Variants in EIF3I observed in about 807,000 individuals in gnomAD.
The protein encoded by EIF3I is eukaryotic translation initiation factor 3 subunit I.
EIF3I carries 20 observed loss-of-function variants against 43.3 expected under a neutral mutation model. The ratio of observed to expected loss-of-function variants is 0.46; its 90% CI spans 0.32 to 0.67. The LOEUF is 0.67. Ranked by LOEUF, EIF3I falls within the 30% of genes least tolerant of loss-of-function variation. The pLI, the probability that EIF3I is intolerant of heterozygous loss-of-function variation, is 0.03. For synonymous variants in EIF3I, 167 were observed against 151.7 expected (o/e 1.10, Z -0.74); for missense variants, 279 against 421.4 (o/e 0.66, Z 2.96).
chr1:32,226,350 G>T, intron 5 of EIF3I, 30 bp downstream of exon 5: 1 of 1,613,918 alleles, frequency 6.2e-7, no homozygotes, highest in Non-Finnish European at 8.5e-7. Flanking sequence ...CTGGGGTTGA[G>T]GTAAAGGGTA....
chr1:32,224,996 G>GAAAAATA (rs2124260918), intron 4 of EIF3I, among the ~76,000 whole-genome samples: 1 of 152,242 alleles, frequency 6.6e-6, no homozygotes, highest in East Asian at 1.9e-4. Context: ...ATCACACCTG[G>GAAAAATA]CTAATTTTTG....
chr1:32,223,051 A>T (rs557237589), intron 2 of EIF3I, among the ~76,000 whole-genome samples: 1 of 152,320 alleles, frequency 6.6e-6, no homozygotes, highest in East Asian at 1.9e-4. Flanking sequence ...GCACTCCAAG[A>T]AAAGCAAGAG....
chr1:32,226,439 A>C, exon 6 of EIF3I: 3 of 1,603,406 alleles, frequency 1.9e-6, no homozygotes, highest in Non-Finnish European at 2.6e-6. Context: ...CCTTGCAATG[A>C]CTCTAAAATC....
chr1:32,235,241 C>A (rs1639284361), downstream of EIF3I: 1 of 152,296 alleles, frequency 6.6e-6, no homozygotes. Flanking sequence ...AAAAGGGACA[C>A]AGAGCCCTTT....
chr1:32,225,814 G>C (rs1239490499), intron 4 of EIF3I, among the ~76,000 whole-genome samples: 1 of 151,980 alleles, frequency 6.6e-6, no homozygotes, highest in African/African-American at 2.4e-5. Context: ...CGGGTCAGGA[G>C]ATCAAGACCA....
At chr1:32,223,651 T>G (rs1639080808) in intron 2 of EIF3I, among the ~76,000 whole-genome samples, 1 of 152,124 alleles carries the variant, frequency 6.6e-6, no homozygotes, top group African/African-American at 2.4e-5. Flanking sequence ...GATCATATAG[T>G]GAGACAGTGG....
chr1:32,235,588 G>T (rs1169777339), downstream of EIF3I, among the ~76,000 whole-genome samples: 1 of 152,118 alleles, frequency 6.6e-6, no homozygotes, highest in African/African-American at 2.4e-5. Context: ...CAAAGTGCTG[G>T]GATTACAGGC....
intron 4 of EIF3I, among the ~76,000 whole-genome samples, chr1:32,225,798 G>A (rs1174717031): frequency 4.6e-5 from 7 of 151,816 alleles, no homozygotes; most frequent in African/African-American, 7.3e-5. Flanking sequence ...TGAGGCGGGC[G>A]GATCACGGGT....
At chr1:32,226,372 C>T (rs769246019) in intron 5 of EIF3I, 31 bp from the exon 6 acceptor site, 4 of 1,612,056 alleles carry the variant, frequency 2.5e-6, no homozygotes, top group Non-Finnish European at 3.4e-6. Context: ...AGTTCTAGAG[C>T]CCAGGGCCTA....
At chr1:32,233,412 C>A (rs753586843), downstream of EIF3I, among the ~76,000 whole-genome samples, 10 of 152,166 alleles carry the variant, frequency 6.6e-5, no homozygotes, top group Non-Finnish European at 1.2e-4. Flanking sequence ...CCTCAGCCTC[C>A]CAAAGTGCTG....
rs1639149484 is a variant in EIF3I at position 32,226,541 on chromosome 1, A to G, written c.528+11A>G. The stretch of plus-strand genomic sequence containing the variant: ...CAGTATAGTGCCAAGGTAAGAGGCC[A>G]CATGGGGCCTGAGCCTACCAGAATA... On this transcript the variant is annotated intron_variant, in intron 6 of 11. Coordinates refer to ENST00000676679, the Ensembl canonical transcript of EIF3I. 2.6e-6 allele frequency: 4 copies of G among 1,511,022 alleles called. No homozygotes were observed. Among genetic ancestry groups the G allele is most frequent in the South Asian group, 1.4e-5 (1 of 71,932 alleles). 93.6% of individuals were successfully genotyped at this position (1,511,022 alleles called of 1,614,324 possible).
downstream of EIF3I, chr1:32,234,224 G>A (rs540687711): frequency 6.6e-6 from 1 of 151,692 alleles, no homozygotes; most frequent in Non-Finnish European, 1.5e-5. Context: ...CTTGAACCAG[G>A]GAGGCAAAGG....
exon 12 of EIF3I, chr1:32,231,229 A>G (rs779337333): frequency 1.4e-5 from 22 of 1,600,230 alleles, no homozygotes; most frequent in Non-Finnish European, 1.9e-5. Context: ...GTGGTGGCTC[A>G]TGCCTGTAAT....
At chr1:32,236,016 C>T (rs1054867851), downstream of EIF3I, among the ~76,000 whole-genome samples, 1 of 152,198 alleles carries the variant, frequency 6.6e-6, no homozygotes, top group African/African-American at 2.4e-5. Context: ...CTCATCTGTC[C>T]TCCCATTTCA....
intron 6 of EIF3I, among the ~76,000 whole-genome samples, chr1:32,226,789 C>T (rs1051475538): frequency 3.5e-5 from 5 of 142,726 alleles, no homozygotes; most frequent in African/African-American, 1.0e-4. Context: ...AGTCTGGTCA[C>T]GAACTCCTGA....
intron 6 of EIF3I, 37 bp downstream of exon 6, chr1:32,226,567 A>ATTTT: frequency 7.7e-7 from 1 of 1,294,680 alleles, no homozygotes; most frequent in Non-Finnish European, 1.0e-6. Context: ...TACCAGAATA[A>ATTTT]TTTTTTTTTT....
At chr1:32,228,692 T>C (rs1639187299) in intron 7 of EIF3I, 35 bp from the exon 8 acceptor site, 1 of 1,605,152 alleles carries the variant, frequency 6.2e-7, no homozygotes, top group South Asian at 1.1e-5. Context: ...CCAGGAAAGC[T>C]CTTTACAGAT....
Position 32,228,806 on chromosome 1 carries a change from A to G in EIF3I, c.719A>G (p.Asn240Ser), listed in dbSNP as rs779896299. ...GTCAACTCAGCTGCCCTCTCCCCCA[A>G]CTATGACCATGTAAGAGAACCCCAC... The change falls in exon 8 of 12, where the codon AAC becomes AGC. Residue 240 changes from asparagine to serine, a missense_variant. Coordinates refer to ENST00000676679, the Ensembl canonical transcript of EIF3I. 1.4e-5 allele frequency: 22 copies of G among 1,613,302 alleles called. No homozygotes were observed. In the Admixed American group the frequency reaches 2.7e-4, roughly 20 times the overall value.
At chr1:32,231,507 G>C, downstream of EIF3I, 1 of 246,848 alleles carries the variant, frequency 4.1e-6, no homozygotes, top group Non-Finnish European at 7.9e-6. Flanking sequence ...AAAAAAAGAA[G>C]AAGGTGGATC....
Sources: gnomAD v4.1 joint callset for allele counts (sites outside exome capture counted in the v4.1 genomes callset) on GRCh38, gnomAD v4.1.1 for gene constraint, MANE v1.5 for transcripts, NCBI Gene and HGNC (gene_info 2026-07-23, HGNC 2026-07-21) for gene names.